The following RPS6KC1 variants were observed in gnomAD, a reference collection of about 807,000 sequenced individuals.
RPS6KC1 encodes the protein inactive ribosomal protein S6 kinase delta-1.
Under a neutral mutation model 103.8 loss-of-function variants are expected in RPS6KC1, and 54 were observed. The ratio of observed to expected loss-of-function variants is 0.52; its 90% confidence interval spans 0.42 to 0.65. RPS6KC1 has a LOEUF of 0.65. RPS6KC1 is among the 30% of genes least tolerant of loss of function. The pLI, the probability that RPS6KC1 is intolerant of heterozygous loss-of-function variation, is 0.00. For synonymous variants in RPS6KC1, 439 were observed against 438.7 expected (o/e 1.00, Z -0.01); for missense variants, 1,151 against 1,253.8 (o/e 0.92, Z 1.24).
the RPS6KC1 span, among the ~76,000 whole-genome samples, chr1:213,583,853 A>T: frequency 6.9e-6 from 1 of 144,018 alleles, no homozygotes; most frequent in Admixed American, 6.8e-5. Flanking sequence ...AAAGAAAAAA[A>T]AAGAAAAAAA....
At position 213,104,504 on chromosome 1, in the gene RPS6KC1, C is replaced by T. The variant is rs772647184; in HGVS notation, c.313C>T (p.Leu105=). 3.7e-6 allele frequency: 6 copies of T among 1,612,788 alleles called. No homozygotes were observed. The highest frequency in any genetic ancestry group is 2.7e-5 in the African/African-American group (2 of 74,964). ...AGAGAGAAGACAATGTGCTGAAGAC[C>T]TGCTACAGTTCTCTGCCAATATTCC... ...IEERRQCAED[L]LQFSANIPAL... is the part of the protein sequence containing the mutation. Residue 105 remains leucine, a synonymous_variant, in exon 4 of 15, where the codon CTG becomes TTG. Transcript: ENST00000366960.
chr1:213,102,849 C>G (rs2082133774), intron 3 of RPS6KC1, among the ~76,000 whole-genome samples: 1 of 152,074 alleles, frequency 6.6e-6, no homozygotes, highest in South Asian at 2.1e-4. Flanking sequence ...GGATTATTGT[C>G]TCTGGAGCCC....
In RPS6KC1 at chr1:213,136,094, CTCTG is replaced by C. The variant is rs759388693; in HGVS notation, c.835+6209_835+6212del. Among the ~76,000 whole-genome samples the C allele has an allele frequency of 4.6e-5, 7 of 152,274 alleles. No homozygotes were observed. The South Asian group carries it at 1.5e-3, about 32-fold the overall frequency. ...AGGTGTTCAAGAAATGCCAACAGGT[CTCTG>C]TCTTTTTATTTGCCTGTCTCTGTTC... On this transcript the variant is annotated intron_variant, in intron 6 of 14. Coordinates refer to ENST00000366960, the MANE Select transcript of RPS6KC1 (RefSeq NM_012424.6).
chr1:213,289,732 A>G, the RPS6KC1 span, among the ~76,000 whole-genome samples: 829 of 152,294 alleles, frequency 5.4e-3, 7 homozygotes, highest in Middle Eastern at 0.02. Context: ...GAATTACAAT[A>G]AACTGCATAT....
At chr1:213,202,726 T>C (rs1012375836) in intron 8 of RPS6KC1, among the ~76,000 whole-genome samples, 9 of 152,210 alleles carry the variant, frequency 5.9e-5, no homozygotes, top group Admixed American at 3.3e-4. Flanking sequence ...TAGGGTCTTA[T>C]TTTATCCTTA....
the RPS6KC1 span, among the ~76,000 whole-genome samples, chr1:213,314,377 C>G: frequency 6.6e-6 from 1 of 152,172 alleles, no homozygotes; most frequent in Non-Finnish European, 1.5e-5. Flanking sequence ...CCCCATCCAC[C>G]CTACCAGTAA....
the RPS6KC1 span, among the ~76,000 whole-genome samples, chr1:213,386,589 A>G: frequency 3.9e-5 from 6 of 152,204 alleles, no homozygotes; most frequent in African/African-American, 1.4e-4. Context: ...CAGGTCTTCC[A>G]TCTACATCCA....
chr1:213,422,289 G>A, the RPS6KC1 span, among the ~76,000 whole-genome samples: 1 of 152,156 alleles, frequency 6.6e-6, no homozygotes, highest in Non-Finnish European at 1.5e-5. Flanking sequence ...TTAGCATAAT[G>A]TCTTCAAATG....
the RPS6KC1 span, among the ~76,000 whole-genome samples, chr1:213,366,395 C>A: frequency 0.43 from 64,663 of 152,086 alleles, 16,424 homozygotes; most frequent in African/African-American, 0.7. Flanking sequence ...TTGAGTATTC[C>A]CTTTCTCGGC....
chr1:213,770,763 C>A, the RPS6KC1 span, among the ~76,000 whole-genome samples: 10 of 152,218 alleles, frequency 6.6e-5, no homozygotes, highest in African/African-American at 2.2e-4. Context: ...ATGCTTTTGG[C>A]TCTTTATGCC....
chr1:213,242,628 G>T lies in RPS6KC1; in HGVS notation c.2881G>T (p.Asp961Tyr). 1 of 1,612,552 alleles carries T rather than the reference G, an allele frequency of 6.2e-7. No individual in the cohort carries two copies. Among genetic ancestry groups the T allele is most frequent in the Non-Finnish European group, 8.5e-7 (1 of 1,179,160 alleles). ...TGAGGTTGAAGATTCCTGTGACAGC[G>T]ATGCCATAGAGAGAATGTACTGTGC... ...WSEVEDSCDS[D>Y]AIERMYCAPE... Residue 961 changes from aspartate (D) to tyrosine (Y), a missense_variant, in exon 12 of 15, where the codon GAT becomes TAT. Coordinates refer to ENST00000366960, the MANE Select transcript of RPS6KC1 (RefSeq NM_012424.6).
chr1:213,167,608 C>T (rs2091102137), intron 6 of RPS6KC1, among the ~76,000 whole-genome samples: 1 of 151,914 alleles, frequency 6.6e-6, no homozygotes, highest in African/African-American at 2.4e-5. Context: ...ATATTTGACT[C>T]CTACAAAAAT....
At chr1:213,724,722 C>T in the RPS6KC1 span, among the ~76,000 whole-genome samples, 1 of 152,070 alleles carries the variant, frequency 6.6e-6, no homozygotes, top group East Asian at 1.9e-4. Flanking sequence ...GGTAACACAG[C>T]AAGACACCAT....
chr1:213,575,112 C>A, the RPS6KC1 span, among the ~76,000 whole-genome samples: 3 of 152,142 alleles, frequency 2.0e-5, no homozygotes, highest in Non-Finnish European at 2.9e-5. Context: ...GTTATTTAGC[C>A]TCTCAATCAC....
At chr1:213,141,155 C>T (rs1353258530) in intron 6 of RPS6KC1, among the ~76,000 whole-genome samples, 1 of 152,096 alleles carries the variant, frequency 6.6e-6, no homozygotes, top group Non-Finnish European at 1.5e-5. Context: ...CCTTAGCCTC[C>T]CAAAGTGTTG....
At chr1:213,286,670 A>G in the RPS6KC1 span, among the ~76,000 whole-genome samples, 1 of 152,252 alleles carries the variant, frequency 6.6e-6, no homozygotes, top group East Asian at 1.9e-4. Flanking sequence ...TTATAAAACT[A>G]TTCCAGCTAC....
the RPS6KC1 span, among the ~76,000 whole-genome samples, chr1:213,325,594 C>G: frequency 6.6e-6 from 1 of 152,226 alleles, no homozygotes; most frequent in East Asian, 1.9e-4. Context: ...CCCAACTGCC[C>G]TGGGGGGCCT....
At chr1:213,605,952 C>T in the RPS6KC1 span, among the ~76,000 whole-genome samples, 1 of 152,084 alleles carries the variant, frequency 6.6e-6, no homozygotes, top group Non-Finnish European at 1.5e-5. Flanking sequence ...TAAGAAAAGC[C>T]CAAGGAGAGC....
rs78127816 is a variant in RPS6KC1 at position 213,208,164 on chromosome 1, A to C, written c.1045-22333A>C. Among the ~76,000 whole-genome samples, 1,404 of 152,272 alleles carry C rather than the reference A, an allele frequency of 9.2e-3. 42 individuals are homozygous for C. Among genetic ancestry groups the C allele is most frequent in the East Asian group, 0.071 (366 of 5,190 alleles). ...CTGATGGAATTTTAAAATATCTCTC[A>C]AGTACAAACACCTCAAATAATCCAT... is the stretch of plus-strand genomic sequence containing the variant. On this transcript the variant is annotated intron_variant, in intron 8 of 14. Coordinates refer to ENST00000366960, the MANE Select transcript of RPS6KC1 (RefSeq NM_012424.6).
Sources: allele counts gnomAD v4.1 joint callset (sites outside exome capture counted in the v4.1 genomes callset), GRCh38; gene constraint gnomAD v4.1.1; transcripts MANE v1.5; gene names NCBI Gene and HGNC (gene_info 2026-07-23, HGNC 2026-07-21).